The following SGCZ variants were observed in gnomAD, a reference collection of about 807,000 sequenced individuals.
SGCZ encodes the protein sarcoglycan zeta.
A neutral mutation model predicts 41.3 loss-of-function variants in SGCZ; 40 were observed. That is an observed-to-expected ratio of 0.97 (90% CI 0.75 to 1.26). The LOEUF (loss-of-function observed/expected upper bound fraction) is 1.26. Among genes scored for constraint, SGCZ ranks in the 50% most tolerant of loss-of-function variants. SGCZ has a pLI of 0.00. For missense variants in SGCZ, 552 were observed against 369.8 expected, an observed-to-expected ratio of 1.49 and a Z score of -4.04; for synonymous variants, 206 against 137.5, an observed-to-expected ratio of 1.50 and a Z score of -3.49.
intron 7 of SGCZ, among the ~76,000 whole-genome samples, chr8:14,093,143 G>A (rs1801740115): frequency 6.6e-6 from 1 of 151,986 alleles, no homozygotes; most frequent in Non-Finnish European, 1.5e-5. Context: ...TGTCTGAAGG[G>A]TATCCCTAAA....
At chr8:14,160,728 T>C (rs904662377) in intron 5 of SGCZ, among the ~76,000 whole-genome samples, 4 of 152,176 alleles carry the variant, frequency 2.6e-5, no homozygotes, top group African/African-American at 9.7e-5. Context: ...TTTACTTCTG[T>C]GTCCTCACAC....
intron 2 of SGCZ, among the ~76,000 whole-genome samples, chr8:14,339,230 T>C (rs148723831): frequency 0.011 from 1,685 of 152,268 alleles, 26 homozygotes; most frequent in African/African-American, 0.037. Flanking sequence ...CAACAGTAAT[T>C]GTGTGTAATC....
chr8:14,984,093 T>G (rs1271966046), intron 1 of SGCZ, among the ~76,000 whole-genome samples: 1 of 152,192 alleles, frequency 6.6e-6, no homozygotes, highest in African/African-American at 2.4e-5. Context: ...TACTCTTTTA[T>G]TACAGAAAAT....
intron 1 of SGCZ, among the ~76,000 whole-genome samples, chr8:14,744,243 C>T (rs1161301663): frequency 9.2e-5 from 14 of 152,154 alleles, no homozygotes; most frequent in Admixed American, 5.9e-4. Flanking sequence ...TGCTGAGCTA[C>T]GTGCACTGCA....
chr8:14,225,262 A>G (rs1023468035), intron 4 of SGCZ, among the ~76,000 whole-genome samples: 2 of 152,102 alleles, frequency 1.3e-5, no homozygotes, highest in Admixed American at 6.6e-5. Flanking sequence ...TTGTACCCCC[A>G]AAAGTTATGG....
chr8:14,673,631 T>C (rs1327016553), intron 1 of SGCZ, among the ~76,000 whole-genome samples: 1 of 152,152 alleles, frequency 6.6e-6, no homozygotes, highest in East Asian at 1.9e-4. Flanking sequence ...TTTATAGCAG[T>C]GTGAAAATGG....
At chr8:14,234,869 G>A (rs561513206) in intron 4 of SGCZ, among the ~76,000 whole-genome samples, 4 of 152,016 alleles carry the variant, frequency 2.6e-5, no homozygotes, top group Non-Finnish European at 4.4e-5. Context: ...TTTCTGTGTT[G>A]TGTTTTGTAA....
chr8:14,871,254 T>A, intron 1 of SGCZ, among the ~76,000 whole-genome samples: 1 of 151,860 alleles, frequency 6.6e-6, no homozygotes, highest in East Asian at 1.9e-4. Context: ...GGAGAGAATG[T>A]GGAGAAACAG....
At chr8:15,123,558 C>T (rs1053878651) in intron 1 of SGCZ, among the ~76,000 whole-genome samples, 1 of 152,238 alleles carries the variant, frequency 6.6e-6, no homozygotes, top group Admixed American at 6.5e-5. Flanking sequence ...GAAGTTATTA[C>T]GATTTGATCA....
intron 2 of SGCZ, among the ~76,000 whole-genome samples, chr8:14,489,627 G>A (rs868561996): frequency 2.1e-4 from 32 of 152,008 alleles, no homozygotes; most frequent in African/African-American, 7.7e-4. Flanking sequence ...TGAAAATAAA[G>A]TATTGCCAAC....
chr8:14,313,086 A>G (rs1222122364), intron 3 of SGCZ, among the ~76,000 whole-genome samples: 3 of 152,162 alleles, frequency 2.0e-5, no homozygotes, highest in East Asian at 1.9e-4. Context: ...GATAAGTTAC[A>G]TAACTACTTC....
intron 7 of SGCZ, among the ~76,000 whole-genome samples, chr8:14,101,475 AC>A (rs1385154996): frequency 6.6e-6 from 1 of 152,242 alleles, no homozygotes; most frequent in African/African-American, 2.4e-5. Flanking sequence ...AATCATGTAT[AC>A]TTATCACTTT....
intron 4 of SGCZ, among the ~76,000 whole-genome samples, chr8:14,203,155 G>C (rs1238080205): frequency 6.6e-6 from 1 of 152,114 alleles, no homozygotes; most frequent in Non-Finnish European, 1.5e-5. Context: ...TTTGTAAATT[G>C]CCCAGTCCCA....
intron 1 of SGCZ, among the ~76,000 whole-genome samples, chr8:14,957,320 CT>C (rs1229690494): frequency 6.6e-6 from 1 of 151,944 alleles, no homozygotes; most frequent in African/African-American, 2.4e-5. Flanking sequence ...TACCATAAAA[CT>C]TTTGTAGTAA....
At chr8:14,444,137 G>C (rs1469428486) in intron 2 of SGCZ, among the ~76,000 whole-genome samples, 1 of 152,084 alleles carries the variant, frequency 6.6e-6, no homozygotes, top group African/African-American at 2.4e-5. Flanking sequence ...AGTTAGAATG[G>C]CGATCATTAA....
intron 6 of SGCZ, among the ~76,000 whole-genome samples, chr8:14,107,204 A>G (rs1802231807): frequency 6.6e-6 from 1 of 151,542 alleles, no homozygotes; most frequent in Non-Finnish European, 1.5e-5. Context: ...TGACAGAACG[A>G]GACTCCATCT....
chr8:14,316,079 C>T (rs1408879188), intron 3 of SGCZ, among the ~76,000 whole-genome samples: 1 of 151,688 alleles, frequency 6.6e-6, no homozygotes, highest in Non-Finnish European at 1.5e-5. Flanking sequence ...GTCTCCATGA[C>T]TAGGCAATTT....
chr8:14,637,281 T>G (rs947627946), intron 1 of SGCZ, among the ~76,000 whole-genome samples: 1 of 151,340 alleles, frequency 6.6e-6, no homozygotes, highest in African/African-American at 2.4e-5. Flanking sequence ...TCTCTAAAAC[T>G]GTCCTCTCCT....
rs113741771 is a variant in SGCZ at position 14,366,647 on chromosome 8, A to G, written c.235-42443T>C. Among the ~76,000 whole-genome samples, 7 of 152,224 alleles carry G rather than the reference A, an allele frequency of 4.6e-5. 1 individual carries two copies. Among genetic ancestry groups the G allele is most frequent in the African/African-American group, 1.7e-4 (7 of 41,560 alleles). Reference sequence around the variant, plus strand: ...AGCATTCACACAAACTCCATAGTCAAAAGTCCCATCTGAGACAAGACAAGT... The same window carrying G: ...AGCATTCACACAAACTCCATAGTCAGAAGTCCCATCTGAGACAAGACAAGT... On this transcript the variant is annotated intron_variant, in intron 2 of 7. Transcript: ENST00000382080.
Sources: gnomAD v4.1 joint callset for allele counts (sites outside exome capture counted in the v4.1 genomes callset) on GRCh38, gnomAD v4.1.1 for gene constraint, MANE v1.5 for transcripts, NCBI Gene and HGNC (gene_info 2026-07-23, HGNC 2026-07-21) for gene names.